SGCZ: variants seen among roughly 807,000 people sequenced by gnomAD.
The protein encoded by SGCZ is zeta-sarcoglycan.
In SGCZ, 40 loss-of-function variants were observed where a neutral mutation model predicts 41.3. The ratio of observed to expected loss-of-function variants is 0.97; its 90% CI spans 0.75 to 1.26. The LOEUF (loss-of-function observed/expected upper bound fraction) is 1.26. Among genes scored for constraint, SGCZ ranks in the 50% most tolerant of loss-of-function variants. SGCZ has a pLI of 0.00. For synonymous variants in SGCZ, 206 were observed against 137.5 expected, an observed-to-expected ratio of 1.50 and a Z score of -3.49; for missense variants, 552 against 369.8, an observed-to-expected ratio of 1.49 and a Z score of -4.04.
intron 1 of SGCZ, among the ~76,000 whole-genome samples, chr8:14,792,885 A>G (rs961129739): frequency 6.6e-6 from 1 of 152,092 alleles, no homozygotes. Context: ...CTCTCCTCCT[A>G]GGTATCAAGA....
At chr8:14,368,080 G>C (rs934045165) in intron 2 of SGCZ, among the ~76,000 whole-genome samples, 2 of 152,032 alleles carry the variant, frequency 1.3e-5, no homozygotes, top group Non-Finnish European at 2.9e-5. Flanking sequence ...GAAAAGGTAA[G>C]TAATTTTCCC....
At chr8:14,215,357 A>G (rs1387844886) in intron 4 of SGCZ, among the ~76,000 whole-genome samples, 6 of 152,176 alleles carry the variant, frequency 3.9e-5, no homozygotes, top group African/African-American at 1.2e-4. Flanking sequence ...AAAATATCAC[A>G]TCAGCACTAA....
At chr8:14,810,009 CAT>C (rs1418224090) in intron 1 of SGCZ, among the ~76,000 whole-genome samples, 3 of 151,936 alleles carry the variant, frequency 2.0e-5, no homozygotes, top group Non-Finnish European at 2.9e-5. Flanking sequence ...AAACACTTGA[CAT>C]ATAAATCAAG....
At chr8:14,730,755 A>C (rs2130236524) in intron 1 of SGCZ, among the ~76,000 whole-genome samples, 1 of 151,884 alleles carries the variant, frequency 6.6e-6, no homozygotes, top group East Asian at 1.9e-4. Flanking sequence ...ATCTCAACAA[A>C]TCTATGTTAA....
chr8:14,127,495 A>G lies in SGCZ; in HGVS notation c.548-19260T>C, dbSNP rs554949485. 1.1e-4 allele frequency among the ~76,000 whole-genome samples: 16 copies of G among 152,126 alleles called. No homozygotes were observed. In the South Asian group the frequency reaches 3.3e-3, roughly 32 times the overall value. On this transcript the variant is annotated intron_variant, in intron 5 of 7. Coordinates refer to ENST00000382080, the MANE Select transcript of SGCZ (RefSeq NM_139167.4). ...TTTTGATACTGAGTCTCACTGTGTC[A>G]CCCAGGCTGGAATGCAGTGGCACAA... is the stretch of plus-strand genomic sequence containing the variant.
intron 7 of SGCZ, among the ~76,000 whole-genome samples, chr8:14,100,610 T>C (rs1472693527): frequency 7.2e-6 from 1 of 138,250 alleles, no homozygotes; most frequent in Non-Finnish European, 1.6e-5. Flanking sequence ...TTAATTTATA[T>C]TAATATATTA....
At chr8:15,069,753 T>G (rs994990803) in intron 1 of SGCZ, among the ~76,000 whole-genome samples, 23 of 152,206 alleles carry the variant, frequency 1.5e-4, no homozygotes, top group African/African-American at 5.3e-4. Context: ...AGAACTCATT[T>G]CTCACACAAT....
intron 2 of SGCZ, among the ~76,000 whole-genome samples, chr8:14,418,102 G>A (rs897859994): frequency 2.0e-5 from 3 of 152,070 alleles, no homozygotes; most frequent in Middle Eastern, 3.4e-3. Flanking sequence ...AATGAGTAAA[G>A]ACACACGCCC....
intron 1 of SGCZ, among the ~76,000 whole-genome samples, chr8:14,902,779 G>A (rs907817003): frequency 3.9e-5 from 6 of 152,056 alleles, no homozygotes; most frequent in African/African-American, 1.2e-4. Context: ...TACTGGGGAG[G>A]TCAGTTACCT....
At chr8:14,222,905 G>A (rs1005183777) in intron 4 of SGCZ, among the ~76,000 whole-genome samples, 24 of 141,250 alleles carry the variant, frequency 1.7e-4, no homozygotes, top group Admixed American at 7.8e-4. Context: ...TCTACATGCC[G>A]GGTTCAAGAG....
intron 4 of SGCZ, among the ~76,000 whole-genome samples, chr8:14,181,301 T>C (rs896742449): frequency 1.3e-5 from 2 of 152,226 alleles, no homozygotes; most frequent in Non-Finnish European, 2.9e-5. Flanking sequence ...AGTTCAATTG[T>C]TGGGTATATT....
intron 4 of SGCZ, among the ~76,000 whole-genome samples, chr8:14,218,056 A>C (rs1270459273): frequency 1.3e-5 from 2 of 152,136 alleles, no homozygotes; most frequent in Non-Finnish European, 2.9e-5. Flanking sequence ...AATTTCCCCC[A>C]AGCCTAGGAA....
chr8:15,015,014 G>A (rs1293372371), intron 1 of SGCZ, among the ~76,000 whole-genome samples: 1 of 152,192 alleles, frequency 6.6e-6, no homozygotes, highest in African/African-American at 2.4e-5. Flanking sequence ...GGCCAAGGCG[G>A]GTAGACCACT....
chr8:14,283,349 C>T (rs746891106), intron 3 of SGCZ, among the ~76,000 whole-genome samples: 14 of 152,178 alleles, frequency 9.2e-5, no homozygotes, highest in Admixed American at 6.5e-4. Flanking sequence ...TCTGTCGCAA[C>T]TTTCTCAGCA....
intron 1 of SGCZ, among the ~76,000 whole-genome samples, chr8:14,837,568 T>C (rs560197703): frequency 2.0e-5 from 3 of 152,312 alleles, no homozygotes; most frequent in East Asian, 1.9e-4. Context: ...AACTGGTAAG[T>C]GACATTGCTG....
chr8:14,340,561 A>T (rs1279929015), intron 2 of SGCZ, among the ~76,000 whole-genome samples: 1 of 152,092 alleles, frequency 6.6e-6, no homozygotes, highest in Non-Finnish European at 1.5e-5. Context: ...TATCGAAATG[A>T]CCTTTATGTA....
chr8:14,402,171 G>A (rs539322585), intron 2 of SGCZ, among the ~76,000 whole-genome samples: 1 of 152,236 alleles, frequency 6.6e-6, no homozygotes, highest in African/African-American at 2.4e-5. Flanking sequence ...TGAGTTCATT[G>A]TAGATTCTGG....
intron 2 of SGCZ, among the ~76,000 whole-genome samples, chr8:14,407,306 C>T (rs1322785388): frequency 6.6e-6 from 1 of 151,836 alleles, no homozygotes; most frequent in Non-Finnish European, 1.5e-5. Flanking sequence ...TGACCTCAAG[C>T]GATCCAAGGT....
chr8:14,547,596 T>C (rs774952311), intron 2 of SGCZ, among the ~76,000 whole-genome samples: 7 of 152,208 alleles, frequency 4.6e-5, no homozygotes, highest in Non-Finnish European at 1.0e-4. Flanking sequence ...CTGGCATTAA[T>C]TGAGTGTTTA....
Sources: allele counts gnomAD v4.1 joint callset (sites outside exome capture counted in the v4.1 genomes callset), GRCh38; gene constraint gnomAD v4.1.1; transcripts MANE v1.5; gene names NCBI Gene and HGNC (gene_info 2026-07-23, HGNC 2026-07-21).